The following APBB2 variants were observed in gnomAD, a reference collection of about 807,000 sequenced individuals.
APBB2 encodes Fe65-like 1.
In APBB2, 38 loss-of-function variants were observed where a neutral mutation model predicts 82.5. The ratio of observed to expected loss-of-function variants is 0.46; its 90% CI spans 0.36 to 0.60. APBB2 has a LOEUF of 0.60. APBB2 is among the 20% of genes least tolerant of loss of function. APBB2 has a pLI of 0.00. For missense variants in APBB2, 772 were observed against 972.3 expected (o/e 0.79, Z 2.74); for synonymous variants, 341 against 368.2 (o/e 0.93, Z 0.85).
rs1012977227 is a variant in APBB2, at chr4:41,100,644, C to G, written c.-154G>C. The G allele has an allele frequency of 6.6e-6, 1 of 152,008 alleles. No individual in the cohort carries two copies. The highest frequency in any genetic ancestry group is 2.4e-5 in the African/African-American group (1 of 41,388). 9.4% of individuals were successfully genotyped at this position (152,008 alleles called of 1,614,324 possible). A position where few individuals can be genotyped will look rare whatever the true frequency, so the allele number is the denominator to read the frequency against. On this transcript the variant is annotated 5_prime_UTR_variant, in exon 3 of 18. Transcript: ENST00000508593. Reference sequence around the variant, plus strand: ...GCAAGTTTAAAATTACTTACTTTTCCCAGGTCTTTGGTACAAAGCTCAGAA... The same window carrying G: ...GCAAGTTTAAAATTACTTACTTTTCGCAGGTCTTTGGTACAAAGCTCAGAA...
intron 2 of APBB2, among the ~76,000 whole-genome samples, chr4:41,103,097 ATTATGT>A (rs769758425): frequency 3.9e-4 from 59 of 152,218 alleles, no homozygotes; most frequent in Non-Finnish European, 7.8e-4. Context: ...ATATTTTGTC[ATTATGT>A]TTAAGAGGAC....
Position 40,891,783 on chromosome 4 carries a change from C to G in APBB2, c.1402-1292G>C, listed in dbSNP as rs187373610. ...TTCACCAGCTACTCAGAAGGCTGAG[C>G]ATGCTGCCTTAGACCTATGGCTCCT... On this transcript the variant is annotated intron_variant, in intron 11 of 17. Coordinates refer to ENST00000508593, the MANE Select transcript of APBB2 (RefSeq NM_004307.2). 6.6e-5 allele frequency among the ~76,000 whole-genome samples: 10 copies of G among 152,292 alleles called. No homozygotes were observed. The East Asian group carries it at 1.9e-3, about 29-fold the overall frequency.
intron 6 of APBB2, among the ~76,000 whole-genome samples, chr4:40,962,605 C>T (rs1793583842): frequency 6.6e-6 from 1 of 152,136 alleles, no homozygotes; most frequent in African/African-American, 2.4e-5. Flanking sequence ...TGTAAGTTTT[C>T]TGAATATAAG....
chr4:41,184,273 T>C (rs1298475792), intron 1 of APBB2, among the ~76,000 whole-genome samples: 1 of 152,158 alleles, frequency 6.6e-6, no homozygotes, highest in Non-Finnish European at 1.5e-5. Flanking sequence ...CCAGTATCCC[T>C]GGCTGGGGGT....
chr4:40,982,379 GAAGGAAGGAAGGA>G (rs1166329586), intron 6 of APBB2, among the ~76,000 whole-genome samples: 1,043 of 15,956 alleles, frequency 0.065, 130 homozygotes, highest in Admixed American at 0.083. Flanking sequence ...AGGAAGGAAG[GAAGGAAGGAAGGA>G]AAGGAAAGGA....
intron 10 of APBB2, among the ~76,000 whole-genome samples, chr4:40,910,736 C>G (rs1778322138): frequency 1.3e-5 from 2 of 152,260 alleles, no homozygotes. Context: ...TTGAGACAGA[C>G]TGAAATATCA....
rs780503469 is a variant in APBB2 at position 40,823,658 on chromosome 4, C to G, written c.1918G>C (p.Val640Leu). Reference protein sequence around the residue: ...NMNVADATVTVISEKNEEEVL... With the variant: ...NMNVADATVTLISEKNEEEVL... The stretch of plus-strand genomic sequence containing the variant: ...TTCCTTCTCACCTTTTCACTGATGA[C>G]AGTCACAGTGGCATCAGCCACGTTC... The change falls in exon 16 of 18, where the codon GTC becomes CTC. Residue 640 changes from valine (V) to leucine (L), a missense_variant. Transcript: ENST00000508593. 6.2e-7 allele frequency: 1 copy of G among 1,611,436 alleles called. No homozygotes were observed.
At chr4:40,890,514 G>T in intron 11 of APBB2, 23 bp from the exon 12 acceptor site, 4 of 1,612,770 alleles carry the variant, frequency 2.5e-6, no homozygotes, top group Non-Finnish European at 3.4e-6. Flanking sequence ...GAGAAAACAC[G>T]CTGTCTTCTT....
At chr4:41,091,971 T>C (rs959125540) in intron 3 of APBB2, among the ~76,000 whole-genome samples, 4 of 152,304 alleles carry the variant, frequency 2.6e-5, no homozygotes, top group South Asian at 2.1e-4. Flanking sequence ...ATTTGTGAGA[T>C]CTGAACACAA....
intron 3 of APBB2, among the ~76,000 whole-genome samples, chr4:41,099,946 T>TA (rs1459524183): frequency 6.6e-6 from 1 of 152,112 alleles, no homozygotes; most frequent in Non-Finnish European, 1.5e-5. Context: ...CAGTATCCAT[T>TA]AAAAAAACAG....
intron 6 of APBB2, among the ~76,000 whole-genome samples, chr4:40,996,923 A>G (rs1417493116): frequency 6.6e-6 from 1 of 152,160 alleles, no homozygotes; most frequent in Non-Finnish European, 1.5e-5. Flanking sequence ...CCCAGTCTTA[A>G]AACTTGAAAA....
At chr4:41,180,119 C>T (rs898104119) in intron 1 of APBB2, among the ~76,000 whole-genome samples, 1 of 152,200 alleles carries the variant, frequency 6.6e-6, no homozygotes, top group Non-Finnish European at 1.5e-5. Flanking sequence ...CCTGAGAAAT[C>T]ATTTGTCTCT....
At chr4:40,913,538 T>G (rs1288386015) in intron 10 of APBB2, among the ~76,000 whole-genome samples, 1 of 152,182 alleles carries the variant, frequency 6.6e-6, no homozygotes, top group African/African-American at 2.4e-5. Flanking sequence ...ATCTGCAAGT[T>G]CACCTACTTG....
At chr4:40,879,586 G>C (rs997728966) in intron 12 of APBB2, among the ~76,000 whole-genome samples, 1 of 152,138 alleles carries the variant, frequency 6.6e-6, no homozygotes, top group African/African-American at 2.4e-5. Context: ...ATGAACTAGA[G>C]ATAATTTCTA....
chr4:40,852,598 C>T (rs1475537298), intron 12 of APBB2, among the ~76,000 whole-genome samples: 5 of 150,316 alleles, frequency 3.3e-5, no homozygotes, highest in East Asian at 3.9e-4. Context: ...TGGATGGATA[C>T]GTCTGCTCAT....
chr4:41,108,542 C>A (rs1253979037), intron 2 of APBB2, among the ~76,000 whole-genome samples: 1 of 152,172 alleles, frequency 6.6e-6, no homozygotes, highest in African/African-American at 2.4e-5. Flanking sequence ...GGTAGGTCTT[C>A]AAGGTTTAAA....
At chr4:40,966,207 C>T (rs1160808024) in intron 6 of APBB2, among the ~76,000 whole-genome samples, 1 of 152,208 alleles carries the variant, frequency 6.6e-6, no homozygotes, top group African/African-American at 2.4e-5. Context: ...CCCCCTCGTT[C>T]TTTCTCTCTG....
intron 3 of APBB2, among the ~76,000 whole-genome samples, chr4:41,079,415 T>C (rs1309978661): frequency 1.3e-5 from 2 of 152,206 alleles, no homozygotes; most frequent in Non-Finnish European, 2.9e-5. Context: ...AATGAAATGT[T>C]TGTTTCATAA....
intron 3 of APBB2, among the ~76,000 whole-genome samples, chr4:41,083,834 C>T (rs941193598): frequency 2.6e-5 from 4 of 151,482 alleles, no homozygotes; most frequent in African/African-American, 9.7e-5. Context: ...CTGCTGTTGA[C>T]TAGAAGATAC....
Sources: allele counts gnomAD v4.1 joint callset (sites outside exome capture counted in the v4.1 genomes callset), GRCh38; gene constraint gnomAD v4.1.1; transcripts MANE v1.5; gene names NCBI Gene and HGNC (gene_info 2026-07-23, HGNC 2026-07-21).